PPP2R5A: variants seen among roughly 807,000 people sequenced by gnomAD.
PPP2R5A encodes the protein serine/threonine-protein phosphatase 2A 56 kDa regulatory subunit alpha isoform.
Under a neutral mutation model 64.2 loss-of-function variants are expected in PPP2R5A, and 25 were observed. The observed-to-expected ratio is 0.39, with a 90% confidence interval of 0.28 to 0.54. The LOEUF (loss-of-function observed/expected upper bound fraction) is 0.54, where lower values mean the gene tolerates loss of function less well. Ranked by LOEUF, PPP2R5A falls within the 20% of genes least tolerant of loss-of-function variation. The pLI is 0.67. For synonymous variants in PPP2R5A, 198 were observed against 201.2 expected (o/e 0.98, Z 0.13); for missense variants, 425 against 576.3 (o/e 0.74, Z 2.69).
intron 1 of PPP2R5A, among the ~76,000 whole-genome samples, chr1:212,286,850 G>A (rs1039236076): frequency 5.9e-5 from 9 of 152,158 alleles, no homozygotes; most frequent in African/African-American, 2.2e-4. Flanking sequence ...GCTGGCCTTT[G>A]GATGTATTTA....
chr1:212,323,203 T>C (rs1659343678), intron 1 of PPP2R5A, among the ~76,000 whole-genome samples: 1 of 152,240 alleles, frequency 6.6e-6, no homozygotes, highest in Admixed American at 6.5e-5. Context: ...TATACTGTGG[T>C]TGTACCTTTT....
intron 8 of PPP2R5A, chr1:212,353,012 C>A (rs1443935928): frequency 5.3e-5 from 27 of 511,242 alleles, no homozygotes; most frequent in Admixed American, 5.1e-4. Context: ...AGAATCTGGT[C>A]ATGGCTTAGG....
chr1:212,306,358 A>G (rs944977027), intron 1 of PPP2R5A, among the ~76,000 whole-genome samples: 1 of 151,192 alleles, frequency 6.6e-6, no homozygotes, highest in Non-Finnish European at 1.5e-5. Flanking sequence ...AGAAGAATGG[A>G]GGGGGGGTAA....
intron 1 of PPP2R5A, among the ~76,000 whole-genome samples, chr1:212,325,475 G>C (rs1485521051): frequency 6.6e-6 from 1 of 152,162 alleles, no homozygotes; most frequent in Non-Finnish European, 1.5e-5. Context: ...TGGGAGGAAG[G>C]AGAGAATAGG....
chr1:212,361,058 G>C lies in PPP2R5A; in HGVS notation c.*288G>C, dbSNP rs527876906. 3 of 207,024 alleles carry C rather than the reference G, an allele frequency of 1.4e-5. No individual in the cohort carries two copies. The highest frequency in any genetic ancestry group is 2.9e-5 in the Non-Finnish European group (3 of 104,110). The allele number at this position is 207,024 out of a possible 1,614,324, so 12.8% of individuals were successfully genotyped here. A position where few individuals can be genotyped will look rare whatever the true frequency, so the allele number is the denominator to read the frequency against. On this transcript the variant is annotated 3_prime_UTR_variant, in exon 13 of 13. Coordinates refer to ENST00000261461, the MANE Select transcript of PPP2R5A (RefSeq NM_006243.4). ...TATGAGTGAGATAATTATGGGAGTGGTAAGAATTATGACTTGAATTCTTCT... is the reference window on the plus strand; with the variant it reads ...TATGAGTGAGATAATTATGGGAGTGCTAAGAATTATGACTTGAATTCTTCT...
At chr1:212,325,930 C>A (rs1316076115) in intron 1 of PPP2R5A, among the ~76,000 whole-genome samples, 2 of 152,056 alleles carry the variant, frequency 1.3e-5, no homozygotes, top group Non-Finnish European at 2.9e-5. Flanking sequence ...AAATTATTAG[C>A]AGACATCATT....
chr1:212,354,242 G>C (rs1312059608), intron 8 of PPP2R5A, among the ~76,000 whole-genome samples: 1 of 152,086 alleles, frequency 6.6e-6, no homozygotes, highest in Non-Finnish European at 1.5e-5. Flanking sequence ...TCCCAGACAG[G>C]CGTGGTGGCT....
Position 212,286,299 on chromosome 1 carries a change from C to T in PPP2R5A, c.181+8C>T. The T allele has an allele frequency of 6.7e-7, 1 of 1,502,840 alleles. No homozygotes were observed. The highest frequency in any genetic ancestry group is 8.9e-7 in the Non-Finnish European group (1 of 1,125,972). 93.1% of individuals were successfully genotyped at this position (1,502,840 alleles called of 1,614,324 possible). A position where few individuals can be genotyped will look rare whatever the true frequency, so the allele number is the denominator to read the frequency against. ...CGCTGCCCCAGCTCAAAGGTAACCTCCGAGGGCGCAGCCCCAGCAGCGAGC... is the reference window on the plus strand; with the variant it reads ...CGCTGCCCCAGCTCAAAGGTAACCTTCGAGGGCGCAGCCCCAGCAGCGAGC... On this transcript the variant is annotated splice_region_variant and intron_variant, in intron 1 of 12. Coordinates refer to ENST00000261461, the MANE Select transcript of PPP2R5A (RefSeq NM_006243.4).
chr1:212,321,928 G>A (rs1230930798), intron 1 of PPP2R5A, among the ~76,000 whole-genome samples: 1 of 151,808 alleles, frequency 6.6e-6, no homozygotes, highest in Non-Finnish European at 1.5e-5. Flanking sequence ...GACTCCGTCT[G>A]CCATCCCGGC....
intron 6 of PPP2R5A, among the ~76,000 whole-genome samples, chr1:212,347,837 T>A (rs1287554137): frequency 6.6e-6 from 1 of 152,196 alleles, no homozygotes; most frequent in Non-Finnish European, 1.5e-5. Flanking sequence ...TGAGCCACCA[T>A]GCCCAGCCTC....
chr1:212,331,689 G>T (rs910572215), intron 2 of PPP2R5A: 2 of 152,062 alleles, frequency 1.3e-5, no homozygotes, highest in African/African-American at 4.8e-5. Context: ...AATTTTTAAA[G>T]TCCTGGGAAT....
chr1:212,333,094 G>C (rs1368216897), intron 2 of PPP2R5A, among the ~76,000 whole-genome samples: 1 of 151,876 alleles, frequency 6.6e-6, no homozygotes, highest in Non-Finnish European at 1.5e-5. Flanking sequence ...AGAGATTGGG[G>C]GTTTCACCAT....
intron 1 of PPP2R5A, among the ~76,000 whole-genome samples, chr1:212,317,493 G>A (rs1024878401): frequency 2.3e-5 from 3 of 132,568 alleles, no homozygotes; most frequent in Admixed American, 7.6e-5. Context: ...TTTCAAACTC[G>A]TTTTCACTGC....
intron 3 of PPP2R5A, chr1:212,333,818 A>G: frequency 5.4e-6 from 2 of 372,480 alleles, no homozygotes; most frequent in Non-Finnish European, 9.5e-6. Context: ...TGAAGTGTAC[A>G]ATTCAGTGGC....
chr1:212,309,445 T>C, intron 1 of PPP2R5A: 1 of 1,072,400 alleles, frequency 9.3e-7, no homozygotes, highest in African/African-American at 1.5e-5. Flanking sequence ...CATTGCCTTT[T>C]TGGCCTTTAA....
chr1:212,301,638 C>G (rs771641829), intron 1 of PPP2R5A, among the ~76,000 whole-genome samples: 2 of 152,110 alleles, frequency 1.3e-5, no homozygotes, highest in Non-Finnish European at 2.9e-5. Flanking sequence ...TTTATAATAG[C>G]CTGCTCTCTA....
intron 1 of PPP2R5A, among the ~76,000 whole-genome samples, chr1:212,296,664 T>TC (rs1658696757): frequency 6.6e-6 from 1 of 152,208 alleles, no homozygotes; most frequent in African/African-American, 2.4e-5. Flanking sequence ...CTTTAGACTA[T>TC]AAGTGCTTTG....
chr1:212,315,432 CAG>C (rs1487500837), intron 1 of PPP2R5A, among the ~76,000 whole-genome samples: 7 of 152,160 alleles, frequency 4.6e-5, no homozygotes, highest in Admixed American at 1.3e-4. Flanking sequence ...ATATATTACA[CAG>C]AGTTATAACA....
chr1:212,320,696 A>G (rs1242768632), intron 1 of PPP2R5A, among the ~76,000 whole-genome samples: 53 of 89,290 alleles, frequency 5.9e-4, no homozygotes, highest in Middle Eastern at 0.011. Flanking sequence ...TGACCCCCCC[A>G]CCTCCCTCCC....
Sources: gnomAD v4.1 joint callset for allele counts (sites outside exome capture counted in the v4.1 genomes callset) on GRCh38, gnomAD v4.1.1 for gene constraint, MANE v1.5 for transcripts, NCBI Gene and HGNC (gene_info 2026-07-23, HGNC 2026-07-21) for gene names.